OS9: variants seen among roughly 807,000 people sequenced by gnomAD.
OS9 encodes OS9 endoplasmic reticulum lectin.
Under a neutral mutation model 84.7 loss-of-function variants are expected in OS9, and 58 were observed. The ratio of observed to expected loss-of-function variants is 0.68; its 90% CI spans 0.55 to 0.85. The LOEUF (loss-of-function observed/expected upper bound fraction) is 0.85, where lower values mean the gene tolerates loss of function less well. OS9 is among the 40% of genes least tolerant of loss of function. The pLI is 0.00. For missense variants in OS9, 760 were observed against 850.9 expected (o/e 0.89, Z 1.33); for synonymous variants, 278 against 320.8 (o/e 0.87, Z 1.43).
intron 5 of OS9, among the ~76,000 whole-genome samples, chr12:57,697,201 G>A (rs1407668146): frequency 6.6e-6 from 1 of 152,110 alleles, no homozygotes; most frequent in African/African-American, 2.4e-5. Context: ...CAATGCCTGT[G>A]GTATAAATAC....
chr12:57,695,203 C>G (rs536771374), intron 2 of OS9: 1 of 478,836 alleles, frequency 2.1e-6, no homozygotes, highest in African/African-American at 1.9e-5. Context: ...CTTCCTTAAG[C>G]CTACTTGCTA....
chr12:57,719,441 T>TA, intron 12 of OS9: 1 of 483,598 alleles, frequency 2.1e-6, no homozygotes, highest in Admixed American at 3.6e-5. Flanking sequence ...ACCCAGTGCC[T>TA]AGCACTCTGC....
rs1311250478 is a variant in OS9, at chr12:57,716,403, G to A, written c.893-9G>A. On this transcript the variant is annotated splice_polypyrimidine_tract_variant and intron_variant, in intron 7 of 14. Coordinates refer to ENST00000315970, the MANE Select transcript of OS9 (RefSeq NM_006812.4). ...TCAGATCAGTCTCTCCCTGTTCTCTGTACCCTAGGTGCGAGCCCGACCAAG... is the reference window on the plus strand; with the variant it reads ...TCAGATCAGTCTCTCCCTGTTCTCTATACCCTAGGTGCGAGCCCGACCAAG... 6.5e-7 allele frequency: 1 copy of A among 1,549,802 alleles called. No individual in the cohort carries two copies. Among genetic ancestry groups the A allele is most frequent in the Non-Finnish European group, 8.7e-7 (1 of 1,144,670 alleles).
chr12:57,697,924 T>TACACACACACACACAC (rs61407014), intron 5 of OS9, among the ~76,000 whole-genome samples: 5 of 91,548 alleles, frequency 5.5e-5, no homozygotes, highest in East Asian at 2.5e-4. Flanking sequence ...CACACACACA[T>TACACACACACACACAC]ACACACACAC....
At position 57,721,547 on chromosome 12, in the gene OS9, T is replaced by C. The variant is rs1221881860; in HGVS notation, c.*638T>C. 2 of 152,614 alleles carry C rather than the reference T, an allele frequency of 1.3e-5. No homozygotes were observed. Among genetic ancestry groups the C allele is most frequent in the Admixed American group, 1.3e-4 (2 of 15,332 alleles). The allele number at this position is 152,614 out of a possible 1,614,324, so 9.5% of individuals were successfully genotyped here. On this transcript the variant is annotated 3_prime_UTR_variant, in exon 15 of 15. Transcript: ENST00000315970. ...ACAATCAGGTTTCTAAATAAACAAC[T>C]GGACCATCAATCCATCAACCTTTTT... is the stretch of plus-strand genomic sequence containing the variant.
intron 5 of OS9, among the ~76,000 whole-genome samples, chr12:57,699,967 C>T (rs1421045574): frequency 5.3e-5 from 8 of 151,952 alleles, no homozygotes; most frequent in African/African-American, 9.7e-5. Flanking sequence ...TGGTGGTGGG[C>T]GCCTGTAATC....
intron 11 of OS9, 128 bp from the exon 12 acceptor site, chr12:57,718,865 A>G: frequency 1.4e-6 from 1 of 704,976 alleles, no homozygotes; most frequent in South Asian, 1.8e-5. Context: ...AGACGGCACC[A>G]CTGTACTCCA....
intron 10 of OS9, 50 bp from the exon 11 acceptor site, chr12:57,718,096 G>T: frequency 1.3e-6 from 2 of 1,586,740 alleles, no homozygotes; most frequent in Non-Finnish European, 1.7e-6. Flanking sequence ...CCGACCATGT[G>T]TCTCTGTTGA....
chr12:57,702,776 T>A (rs989930251), intron 5 of OS9, among the ~76,000 whole-genome samples: 2 of 152,234 alleles, frequency 1.3e-5, no homozygotes, highest in South Asian at 4.1e-4. Context: ...GTAATAGCCA[T>A]CTTAATGGGT....
At position 57,718,346 on chromosome 12, in the gene OS9, T is replaced by A; in HGVS notation, c.1335T>A (p.Leu445=). ...EFEKELEGIL[L]PSDRDRLRSE... ...AGAAGGAACTGGAAGGGATCCTGCTTCCGTCAGACCGAGACCGGCTCCGTT... is the reference window on the plus strand; with the variant it reads ...AGAAGGAACTGGAAGGGATCCTGCTACCGTCAGACCGAGACCGGCTCCGTT... Residue 445 remains leucine, a synonymous_variant, in exon 11 of 15, where the codon CTT becomes CTA. Coordinates refer to ENST00000315970, the MANE Select transcript of OS9 (RefSeq NM_006812.4). 1.9e-6 allele frequency: 3 copies of A among 1,614,192 alleles called. No homozygotes were observed. The South Asian group carries it at 3.3e-5, about 18-fold the overall frequency.
chr12:57,696,470 G>A (rs1953847493), intron 5 of OS9, 97 bp downstream of exon 5: 3 of 471,608 alleles, frequency 6.4e-6, no homozygotes, highest in East Asian at 7.1e-5. Flanking sequence ...GGGCGGGGGG[G>A]GTCCCCTCCC....
At chr12:57,712,354 A>AT (rs1595055567) in intron 5 of OS9, among the ~76,000 whole-genome samples, 2 of 151,460 alleles carry the variant, frequency 1.3e-5, no homozygotes, top group Admixed American at 1.3e-4. Context: ...TTTTCTTTTG[A>AT]TTTTTTTCCT....
chr12:57,697,365 A>G (rs145126588), intron 5 of OS9, among the ~76,000 whole-genome samples: 1 of 152,230 alleles, frequency 6.6e-6, no homozygotes, highest in Admixed American at 6.5e-5. Context: ...CTAAGAGCCA[A>G]ATGTTTCAGC....
rs921147753 is a variant in OS9 at position 57,721,038 on chromosome 12, G to A, written c.*129G>A. On this transcript the variant is annotated 3_prime_UTR_variant, in exon 15 of 15. Transcript: ENST00000315970. The stretch of plus-strand genomic sequence containing the variant: ...AGTGGAGCTGAGCTGTGGACCTCTC[G>A]GGCAACTCTGTGGGTGTGGGGGCCC... 95 of 1,094,082 alleles carry A rather than the reference G, an allele frequency of 8.7e-5. No individual in the cohort carries two copies. The highest frequency in any genetic ancestry group is 1.2e-4 in the Non-Finnish European group (93 of 754,010). 67.8% of individuals were successfully genotyped at this position (1,094,082 alleles called of 1,614,324 possible).
chr12:57,711,370 G>A (rs1262013068), intron 5 of OS9, among the ~76,000 whole-genome samples: 4 of 116,834 alleles, frequency 3.4e-5, no homozygotes, highest in Non-Finnish European at 5.0e-5. Context: ...TTTTTGAGAC[G>A]GAGTCTTGCT....
chr12:57,701,297 A>G (rs1179761319), intron 5 of OS9, among the ~76,000 whole-genome samples: 1 of 111,528 alleles, frequency 9.0e-6, no homozygotes, highest in East Asian at 2.5e-4. Flanking sequence ...TTTTTTTGAG[A>G]CAGAGTCTCG....
rs1172063888 is a variant in OS9, at chr12:57,719,240, G to A, written c.1600+58G>A. 3 of 1,490,084 alleles carry A rather than the reference G, an allele frequency of 2.0e-6. No individual in the cohort carries two copies. The Admixed American group carries it at 5.4e-5, about 27-fold the overall frequency. 92.3% of individuals were successfully genotyped at this position (1,490,084 alleles called of 1,614,324 possible). A position where few individuals can be genotyped will look rare whatever the true frequency, so the allele number is the denominator to read the frequency against. ...GTCTGTTGTTTTCATCCCTCAGCTG[G>A]TTCTGTTCCCAGAGGGGACCCTGTT... On this transcript the variant is annotated intron_variant, in intron 12 of 14. Coordinates refer to ENST00000315970, the MANE Select transcript of OS9 (RefSeq NM_006812.4).
chr12:57,718,577 G>A (rs966300603), intron 11 of OS9, among the ~76,000 whole-genome samples, 156 bp downstream of exon 11: 2 of 152,196 alleles, frequency 1.3e-5, no homozygotes, highest in Admixed American at 1.3e-4. Context: ...GGCTGTTGGG[G>A]AAGGGGGACC....
At chr12:57,695,755 T>C in intron 2 of OS9, 25 bp from the exon 3 acceptor site, 2 of 1,531,720 alleles carry the variant, frequency 1.3e-6, no homozygotes, top group South Asian at 2.2e-5. Context: ...TCCATCCCCC[T>C]GATTGTTTAT....
Sources: allele counts gnomAD v4.1 joint callset (sites outside exome capture counted in the v4.1 genomes callset), GRCh38; gene constraint gnomAD v4.1.1; transcripts MANE v1.5; gene names NCBI Gene and HGNC (gene_info 2026-07-23, HGNC 2026-07-21).